The following GRM7 variants were observed in gnomAD, a reference collection of about 807,000 sequenced individuals.
The protein encoded by GRM7 is glutamate metabotropic receptor 7.
Under a neutral mutation model 84.5 loss-of-function variants are expected in GRM7, and 35 were observed. That is an observed-to-expected ratio of 0.41 (90% CI 0.32 to 0.55). The LOEUF is 0.55. Among genes scored for constraint, GRM7 ranks in the 20% least tolerant of loss-of-function variants. The probability of loss-of-function intolerance (pLI) is 0.19; values close to 1 mark genes in which losing one functional copy is unlikely to be tolerated. For synonymous variants in GRM7, 487 were observed against 455.1 expected (o/e 1.07, Z -0.89); for missense variants, 1,003 against 1,194.6 (o/e 0.84, Z 2.36).
At chr3:7,595,982 A>T (rs922082580) in intron 8 of GRM7, among the ~76,000 whole-genome samples, 101 of 152,212 alleles carry the variant, frequency 6.6e-4, no homozygotes, top group African/African-American at 2.3e-3. Context: ...CTTGGAGAAG[A>T]ACAGACTCTA....
chr3:7,730,799 T>A (rs982141618), intron 9 of GRM7, among the ~76,000 whole-genome samples: 3 of 152,198 alleles, frequency 2.0e-5, no homozygotes, highest in African/African-American at 7.2e-5. Context: ...ATGCTCCAGA[T>A]TGCTTGCATC....
At chr3:7,236,005 T>G (rs960669877) in intron 2 of GRM7, among the ~76,000 whole-genome samples, 7 of 152,198 alleles carry the variant, frequency 4.6e-5, no homozygotes, top group Non-Finnish European at 2.9e-5. Flanking sequence ...TCAAGGTCCT[T>G]GCAGACACTG....
chr3:6,876,047 C>A (rs1695288102), intron 1 of GRM7, among the ~76,000 whole-genome samples: 1 of 152,130 alleles, frequency 6.6e-6, no homozygotes, highest in African/African-American at 2.4e-5. Flanking sequence ...GCAGGTGGAT[C>A]ACCTGAGGTC....
chr3:7,396,463 T>C (rs1695216402), intron 4 of GRM7, among the ~76,000 whole-genome samples: 1 of 152,166 alleles, frequency 6.6e-6, no homozygotes, highest in African/African-American at 2.4e-5. Context: ...TAAAATTCAA[T>C]AAGTTTTCAT....
chr3:7,061,553 G>A (rs1697434477), intron 1 of GRM7, among the ~76,000 whole-genome samples: 1 of 151,692 alleles, frequency 6.6e-6, no homozygotes, highest in Non-Finnish European at 1.5e-5. Flanking sequence ...AGGAAAGAAT[G>A]AAACATTTAT....
At chr3:7,502,369 T>G (rs967268939) in intron 7 of GRM7, among the ~76,000 whole-genome samples, 8 of 152,204 alleles carry the variant, frequency 5.3e-5, no homozygotes, top group Non-Finnish European at 5.9e-5. Flanking sequence ...TAGTTGATTT[T>G]CAATACCAGT....
At chr3:7,030,790 C>T (rs565014195) in intron 1 of GRM7, among the ~76,000 whole-genome samples, 85 of 152,226 alleles carry the variant, frequency 5.6e-4, no homozygotes, top group African/African-American at 2.0e-3. Flanking sequence ...TATAGTATAA[C>T]TTGAAATCAA....
At chr3:7,530,544 A>AATGGTTGGTAGG (rs1306336553) in intron 7 of GRM7, among the ~76,000 whole-genome samples, 11 of 152,168 alleles carry the variant, frequency 7.2e-5, no homozygotes, top group African/African-American at 2.4e-4. Flanking sequence ...GGTTGAACTG[A>AATGGTTGGTAGG]TTTACTCTCC....
At chr3:6,895,524 G>A (rs540391548) in intron 1 of GRM7, among the ~76,000 whole-genome samples, 3 of 152,078 alleles carry the variant, frequency 2.0e-5, no homozygotes, top group African/African-American at 7.2e-5. Context: ...TTACAAATTA[G>A]GAAAGTGAAG....
At chr3:7,389,128 GTTTACCCATAAGTCATTCAATAGCAA>G (rs1312073550) in intron 4 of GRM7, among the ~76,000 whole-genome samples, 4 of 151,902 alleles carry the variant, frequency 2.6e-5, no homozygotes, top group Non-Finnish European at 4.4e-5. Flanking sequence ...TAATTTCCTT[GTTTACCCATAAGTCATTCAATAGCAA>G]GCTATTTAGT....
intron 4 of GRM7, among the ~76,000 whole-genome samples, chr3:7,396,702 G>T (rs1695225551): frequency 1.3e-5 from 2 of 152,036 alleles, no homozygotes. Flanking sequence ...AGCTCAGTCT[G>T]GTGATCTGTT....
chr3:7,226,065 T>C (rs1664388129), intron 2 of GRM7, among the ~76,000 whole-genome samples: 1 of 152,202 alleles, frequency 6.6e-6, no homozygotes, highest in African/African-American at 2.4e-5. Flanking sequence ...TTTAGTTAAT[T>C]AATATTTACT....
chr3:7,517,306 A>G (rs1025104799), intron 7 of GRM7, among the ~76,000 whole-genome samples: 3 of 152,170 alleles, frequency 2.0e-5, no homozygotes, highest in Admixed American at 2.0e-4. Flanking sequence ...CAAACAGAAA[A>G]TGTTTGTATA....
At chr3:7,492,530 T>C (rs1255158854) in intron 7 of GRM7, among the ~76,000 whole-genome samples, 3 of 152,144 alleles carry the variant, frequency 2.0e-5, no homozygotes, top group Non-Finnish European at 4.4e-5. Context: ...TACCTATCTT[T>C]TAATGACCGC....
chr3:6,995,773 G>C (rs1255016174), intron 1 of GRM7, among the ~76,000 whole-genome samples: 1 of 152,092 alleles, frequency 6.6e-6, no homozygotes, highest in Non-Finnish European at 1.5e-5. Flanking sequence ...AAAGGCTATA[G>C]TGATCACCAC....
intron 1 of GRM7, among the ~76,000 whole-genome samples, chr3:7,044,522 A>G (rs934517692): frequency 3.9e-5 from 6 of 152,304 alleles, no homozygotes; most frequent in Admixed American, 2.6e-4. Flanking sequence ...AACACTTCCC[A>G]ATCTACTTAT....
chr3:7,186,558 C>T (rs144445610), intron 2 of GRM7, among the ~76,000 whole-genome samples: 324 of 152,246 alleles, frequency 2.1e-3, no homozygotes, highest in African/African-American at 7.3e-3. Context: ...AAATAAATAT[C>T]TCACCAGATA....
At chr3:7,034,684 G>T (rs1051648898) in intron 1 of GRM7, among the ~76,000 whole-genome samples, 7 of 152,130 alleles carry the variant, frequency 4.6e-5, no homozygotes, top group African/African-American at 1.7e-4. Flanking sequence ...ACCAAGAACA[G>T]ATATTTGTGA....
intron 4 of GRM7, among the ~76,000 whole-genome samples, chr3:7,348,298 C>A (rs1692981205): frequency 1.3e-5 from 2 of 152,182 alleles, no homozygotes; most frequent in East Asian, 1.9e-4. Context: ...AGGTCTGTTG[C>A]CTTATTGGCA....
Sources: gnomAD v4.1 joint callset for allele counts (sites outside exome capture counted in the v4.1 genomes callset) on GRCh38, gnomAD v4.1.1 for gene constraint, MANE v1.5 for transcripts, NCBI Gene and HGNC (gene_info 2026-07-23, HGNC 2026-07-21) for gene names.